The following RFX7 variants were observed in gnomAD, a reference collection of about 807,000 sequenced individuals.
RFX7 encodes DNA-binding protein RFX7.
RFX7 carries 26 observed loss-of-function variants against 111.8 expected under a neutral mutation model. That is an observed-to-expected ratio of 0.23 (90% CI 0.17 to 0.32). The LOEUF is 0.32. Among genes scored for constraint, RFX7 ranks in the 10% least tolerant of loss-of-function variants. The pLI is 1.00. For missense variants in RFX7, 1,573 were observed against 1,772.9 expected (o/e 0.89, Z 2.02); for synonymous variants, 624 against 624.4 (o/e 1.00, Z 0.01).
chr15:56,102,075 C>G, intron 7 of RFX7, 94 bp downstream of exon 7: 2 of 902,576 alleles, frequency 2.2e-6, no homozygotes, highest in Non-Finnish European at 3.4e-6. Context: ...GGCACAGTCG[C>G]TAGGCTTAAC....
intron 2 of RFX7, among the ~76,000 whole-genome samples, chr15:56,196,299 T>C (rs2043145068): frequency 6.6e-6 from 1 of 152,030 alleles, no homozygotes; most frequent in Admixed American, 6.6e-5. Flanking sequence ...ATTCCACCAT[T>C]CCTTTCTCAG....
At chr15:56,112,379 C>CAAAAAAAAAAAAAAAAAAAAAAGAAAAAA (rs2041950542) in intron 5 of RFX7, among the ~76,000 whole-genome samples, 5 of 71,768 alleles carry the variant, frequency 7.0e-5, no homozygotes, top group Non-Finnish European at 1.3e-4. Flanking sequence ...GAGTACAAAT[C>CAAAAAAAAAAAAAAAAAAAAAAGAAAAAA]AAAAAAAAAA....
upstream of RFX7, among the ~76,000 whole-genome samples, chr15:56,244,737 A>G (rs1421968668): frequency 6.6e-6 from 1 of 152,018 alleles, no homozygotes; most frequent in Non-Finnish European, 1.5e-5. Flanking sequence ...TACTCACAAC[A>G]TGGAGGCTCA....
In RFX7 at chr15:56,179,806, ACACAC is replaced by A. The variant is rs1375193660; in HGVS notation, c.162-508_162-504del. 1.7e-3 allele frequency among the ~76,000 whole-genome samples: 200 copies of A among 120,746 alleles called. 2 individuals are homozygous for A. Among genetic ancestry groups the A allele is most frequent in the African/African-American group, 6.7e-3 (195 of 29,200 alleles). The allele number at this position is 120,746 out of a possible 152,430, so 79.2% of individuals were successfully genotyped here. ...CACACACACACACACACACACACACACACACACCAGTAACAGGAATCCCTAGACAT... is the reference window on the plus strand; with the variant it reads ...CACACACACACACACACACACACACAACCAGTAACAGGAATCCCTAGACAT... On this transcript the variant is annotated intron_variant, in intron 2 of 9. Transcript: ENST00000559447.
At chr15:56,108,831 T>A (rs2041866337) in intron 5 of RFX7, among the ~76,000 whole-genome samples, 1 of 152,184 alleles carries the variant, frequency 6.6e-6, no homozygotes, top group South Asian at 2.1e-4. Flanking sequence ...TTTAAACTGA[T>A]AAGCAACTTC....
intron 6 of RFX7, among the ~76,000 whole-genome samples, chr15:56,102,754 A>G (rs2041773002): frequency 6.6e-6 from 1 of 152,240 alleles, no homozygotes; most frequent in South Asian, 2.1e-4. Context: ...GCATTTGGGA[A>G]GCAAGAATAG....
chr15:56,174,278 C>CAA (rs201007446), intron 3 of RFX7, among the ~76,000 whole-genome samples: 1 of 149,604 alleles, frequency 6.7e-6, no homozygotes, highest in African/African-American at 2.5e-5. Flanking sequence ...AACTCTGTCT[C>CAA]AAAAAAAACC....
At position 56,097,213 on chromosome 15, in the gene RFX7, C is replaced by A. The variant is rs1309653980; in HGVS notation, c.1108-593G>T. On this transcript the variant is annotated intron_variant, in intron 9 of 9. Coordinates refer to ENST00000559447, the MANE Select transcript of RFX7 (RefSeq NM_022841.7). ...TTATTATCAATAATAACATAAAGCA[C>A]CAACTTACTCTCATTTTAAAAGTCC... Among the ~76,000 whole-genome samples, 4 of 152,074 alleles carry A rather than the reference C, an allele frequency of 2.6e-5. No individual in the cohort carries two copies. The East Asian group carries it at 7.7e-4, about 29-fold the overall frequency.
At position 56,103,596 on chromosome 15, in the gene RFX7, G is replaced by C; in HGVS notation, c.476C>G (p.Pro159Arg). 5 of 1,607,636 alleles carry C rather than the reference G, an allele frequency of 3.1e-6. No individual in the cohort carries two copies. Among genetic ancestry groups the C allele is most frequent in the Non-Finnish European group, 4.2e-6 (5 of 1,176,914 alleles). ...DFGKIMKNVF[P>R]NMKARRLGTR... ...GCCCAAACGACGTGCCTTCATGTTT[G>C]GAAAGACGTTTTTCATGATCTTTCC... Residue 159 changes from proline (P) to arginine (R), a missense_variant, in exon 6 of 10, where the codon CCA becomes CGA. Transcript: ENST00000559447.
intron 3 of RFX7, among the ~76,000 whole-genome samples, chr15:56,165,707 T>C (rs2042774103): frequency 6.6e-6 from 1 of 152,100 alleles, no homozygotes; most frequent in South Asian, 2.1e-4. Flanking sequence ...GTATGCTAAG[T>C]TACCAAAAAT....
At chr15:56,185,162 A>G (rs1202078209) in intron 2 of RFX7, among the ~76,000 whole-genome samples, 3 of 152,160 alleles carry the variant, frequency 2.0e-5, no homozygotes, top group African/African-American at 7.2e-5. Context: ...TTTGCTACGT[A>G]GTATTTTGTT....
intron 5 of RFX7, among the ~76,000 whole-genome samples, chr15:56,104,787 C>G (rs2041806914): frequency 2.9e-5 from 1 of 34,630 alleles, no homozygotes; most frequent in Non-Finnish European, 6.5e-5. Context: ...ACAGCAAATC[C>G]TGCATACCCC....
intron 3 of RFX7, among the ~76,000 whole-genome samples, chr15:56,153,393 A>G (rs149321511): frequency 6.6e-6 from 1 of 152,226 alleles, no homozygotes; most frequent in Non-Finnish European, 1.5e-5. Context: ...CTGGGATGCA[A>G]GGCTTGTTCA....
At chr15:56,180,891 TG>T (rs1281418734) in intron 2 of RFX7, among the ~76,000 whole-genome samples, 1 of 152,090 alleles carries the variant, frequency 6.6e-6, no homozygotes, top group African/African-American at 2.4e-5. Flanking sequence ...TACTCCAGCC[TG>T]GGCAACAGAG....
chr15:56,213,005 GA>G (rs1295060757), intron 2 of RFX7, among the ~76,000 whole-genome samples: 1 of 152,194 alleles, frequency 6.6e-6, no homozygotes, highest in Non-Finnish European at 1.5e-5. Context: ...ACAGCTATTA[GA>G]GAGTGTCAAT....
chr15:56,194,910 A>C (rs1370080505), intron 2 of RFX7, among the ~76,000 whole-genome samples: 1 of 152,154 alleles, frequency 6.6e-6, no homozygotes, highest in East Asian at 1.9e-4. Context: ...ATTCCACCCA[A>C]AGAAATAAAA....
chr15:56,166,489 C>G (rs1326078761), intron 3 of RFX7, among the ~76,000 whole-genome samples: 1 of 148,002 alleles, frequency 6.8e-6, no homozygotes, highest in Non-Finnish European at 1.5e-5. Context: ...AGGAAGTTCT[C>G]AACATCCTGT....
chr15:56,233,911 A>G (rs1376759805), intron 2 of RFX7, among the ~76,000 whole-genome samples: 2 of 152,150 alleles, frequency 1.3e-5, no homozygotes, highest in African/African-American at 2.4e-5. Context: ...TGGAAATCCT[A>G]TTCCTTAGTC....
intron 2 of RFX7, among the ~76,000 whole-genome samples, chr15:56,228,517 TTAAGACAC>T (rs1358731455): frequency 1.3e-5 from 2 of 152,018 alleles, no homozygotes; most frequent in Non-Finnish European, 2.9e-5. Context: ...AAAACTATGA[TTAAGACAC>T]TAAGTGCTCT....
Sources: gnomAD v4.1 joint callset for allele counts (sites outside exome capture counted in the v4.1 genomes callset) on GRCh38, gnomAD v4.1.1 for gene constraint, MANE v1.5 for transcripts, NCBI Gene and HGNC (gene_info 2026-07-23, HGNC 2026-07-21) for gene names.